MEGF11: variants seen among roughly 807,000 people sequenced by gnomAD.
MEGF11 encodes the protein multiple epidermal growth factor-like domains protein 11.
MEGF11 carries 126 observed loss-of-function variants against 146.6 expected under a neutral mutation model. The ratio of observed to expected loss-of-function variants is 0.86; its 90% confidence interval spans 0.74 to 1.00. The LOEUF (loss-of-function observed/expected upper bound fraction) is 1.00, where lower values mean the gene tolerates loss of function less well. Ranked by LOEUF, MEGF11 falls within the 50% of genes least tolerant of loss-of-function variation. MEGF11 has a pLI of 0.00. For missense variants in MEGF11, 1,509 were observed against 1,521.2 expected (o/e 0.99, Z 0.13); for synonymous variants, 532 against 583.4 (o/e 0.91, Z 1.27).
At chr15:66,001,288 C>T (rs973213421) in intron 5 of MEGF11, among the ~76,000 whole-genome samples, 2 of 152,140 alleles carry the variant, frequency 1.3e-5, no homozygotes, top group African/African-American at 4.8e-5. Context: ...ACCTGAACAT[C>T]TGTACCTCGT....
At chr15:65,950,926 C>A (rs2080381076) in intron 10 of MEGF11, among the ~76,000 whole-genome samples, 1 of 152,196 alleles carries the variant, frequency 6.6e-6, no homozygotes, top group Non-Finnish European at 1.5e-5. Context: ...TGGGAAATGC[C>A]ATGAATGTCC....
chr15:66,125,923 G>A (rs1419407747), intron 2 of MEGF11, among the ~76,000 whole-genome samples: 1 of 152,176 alleles, frequency 6.6e-6, no homozygotes, highest in African/African-American at 2.4e-5. Context: ...GCAGGGACCA[G>A]GCTTTGCAAG....
Position 66,154,032 on chromosome 15 carries a change from T to G in MEGF11, c.-8-25621A>C, listed in dbSNP as rs375093513. Among the ~76,000 whole-genome samples the G allele has an allele frequency of 9.2e-5, 14 of 152,268 alleles. No individual in the cohort carries two copies. In the East Asian group the frequency reaches 2.5e-3, roughly 27 times the overall value. Reference sequence around the variant, plus strand: ...ACAGCTCCCCGAGCATGGCCACCCTTGCAGCTGGGCTGCCACTAGCCCCTC... The same window carrying G: ...ACAGCTCCCCGAGCATGGCCACCCTGGCAGCTGGGCTGCCACTAGCCCCTC... On this transcript the variant is annotated intron_variant, in intron 1 of 25. Transcript: ENST00000395614.
intron 4 of MEGF11, among the ~76,000 whole-genome samples, chr15:66,103,292 A>G (rs988135064): frequency 6.6e-6 from 1 of 152,212 alleles, no homozygotes; most frequent in Non-Finnish European, 1.5e-5. Flanking sequence ...TACTGGCTAT[A>G]ACGGAATGGT....
intron 1 of MEGF11, among the ~76,000 whole-genome samples, chr15:66,178,768 A>C (rs937225274): frequency 6.6e-6 from 1 of 152,194 alleles, no homozygotes; most frequent in Non-Finnish European, 1.5e-5. Flanking sequence ...TGCCTGTCTG[A>C]AAGTCAGAAG....
At chr15:66,010,161 T>TAA (rs11302321) in intron 5 of MEGF11, among the ~76,000 whole-genome samples, 299 of 126,114 alleles carry the variant, frequency 2.4e-3, no homozygotes, top group African/African-American at 8.5e-3. Context: ...GCTGATTAGC[T>TAA]AAAAAAAAAA....
chr15:66,250,368 A>G (rs2092353185), intron 1 of MEGF11, among the ~76,000 whole-genome samples: 1 of 152,198 alleles, frequency 6.6e-6, no homozygotes, highest in African/African-American at 2.4e-5. Flanking sequence ...GTCCCATTTC[A>G]GGACTTCTTC....
chr15:66,092,572 G>T lies in MEGF11; in HGVS notation c.394+1830C>A, dbSNP rs949643432. On this transcript the variant is annotated intron_variant, in intron 5 of 25. Transcript: ENST00000395614. ...CTTGCTTGGTAAATTCACTCTGGGG[G>T]GCAAGTCATACTCTAAACTGCCTAG... Among the ~76,000 whole-genome samples the T allele has an allele frequency of 2.0e-5, 3 of 152,108 alleles. No homozygotes were observed. In the South Asian group the frequency reaches 6.2e-4, roughly 32 times the overall value.
chr15:65,923,167 C>T (rs578208321), intron 13 of MEGF11, among the ~76,000 whole-genome samples, 198 bp from the exon 14 acceptor site: 33 of 152,208 alleles, frequency 2.2e-4, no homozygotes, highest in African/African-American at 5.1e-4. Flanking sequence ...TTCTAAAAGT[C>T]GAGGAGGAAT....
chr15:66,080,540 C>A (rs1454199416), intron 5 of MEGF11, among the ~76,000 whole-genome samples: 1 of 152,196 alleles, frequency 6.6e-6, no homozygotes, highest in African/African-American at 2.4e-5. Flanking sequence ...AGGCTATGCT[C>A]TCCTCATCTC....
chr15:65,907,944 T>A (rs2078679360), intron 23 of MEGF11, among the ~76,000 whole-genome samples: 1 of 152,226 alleles, frequency 6.6e-6, no homozygotes, highest in Non-Finnish European at 1.5e-5. Flanking sequence ...AAGAGTGAGA[T>A]CTGTAAAGCA....
At chr15:66,049,586 T>C (rs2084369060) in intron 5 of MEGF11, among the ~76,000 whole-genome samples, 1 of 152,196 alleles carries the variant, frequency 6.6e-6, no homozygotes, top group Non-Finnish European at 1.5e-5. Flanking sequence ...TTACAGGGTA[T>C]AGGTCGAGCT....
At chr15:66,105,292 G>A (rs2087014219) in intron 4 of MEGF11, among the ~76,000 whole-genome samples, 1 of 152,208 alleles carries the variant, frequency 6.6e-6, no homozygotes, top group Non-Finnish European at 1.5e-5. Flanking sequence ...AGCAAGAGGA[G>A]GAGGAAGAGA....
chr15:66,089,072 G>T (rs549370090), intron 5 of MEGF11, among the ~76,000 whole-genome samples: 1 of 152,330 alleles, frequency 6.6e-6, no homozygotes, highest in East Asian at 1.9e-4. Flanking sequence ...TGACCTTAAG[G>T]GTCCCGAGCT....
intron 1 of MEGF11, among the ~76,000 whole-genome samples, chr15:66,173,587 A>G (rs1001898435): frequency 1.3e-5 from 2 of 152,208 alleles, no homozygotes; most frequent in Admixed American, 6.5e-5. Flanking sequence ...AAAGTGTGGC[A>G]TTACAGGTGT....
intron 1 of MEGF11, among the ~76,000 whole-genome samples, chr15:66,138,259 C>A (rs2088983324): frequency 6.6e-6 from 1 of 152,128 alleles, no homozygotes; most frequent in African/African-American, 2.4e-5. Flanking sequence ...GGGACACAGG[C>A]CACTTAGGGG....
chr15:65,943,484 A>G (rs1468734009), intron 10 of MEGF11, among the ~76,000 whole-genome samples: 1 of 151,844 alleles, frequency 6.6e-6, no homozygotes, highest in Non-Finnish European at 1.5e-5. Context: ...TAGCGGTGGT[A>G]TATATTCCTG....
chr15:66,070,858 C>A (rs1395472545), intron 5 of MEGF11, among the ~76,000 whole-genome samples: 1 of 152,188 alleles, frequency 6.6e-6, no homozygotes. Flanking sequence ...GTATTCATAT[C>A]TTTCCCTAGA....
At chr15:66,071,695 A>T (rs1299555198) in intron 5 of MEGF11, among the ~76,000 whole-genome samples, 2 of 152,132 alleles carry the variant, frequency 1.3e-5, no homozygotes, top group Non-Finnish European at 2.9e-5. Context: ...AAAAGAGGGG[A>T]AACCTCAGTG....
Sources: allele counts gnomAD v4.1 joint callset (sites outside exome capture counted in the v4.1 genomes callset), GRCh38; gene constraint gnomAD v4.1.1; transcripts MANE v1.5; gene names NCBI Gene and HGNC (gene_info 2026-07-23, HGNC 2026-07-21).